TMEM71: variants seen among roughly 807,000 people sequenced by gnomAD.
TMEM71 encodes the protein transmembrane protein 71.
TMEM71 carries 44 observed loss-of-function variants against 38.0 expected under a neutral mutation model. The observed-to-expected ratio is 1.16, with a 90% CI of 0.91 to 1.49. The LOEUF (loss-of-function observed/expected upper bound fraction) is 1.49, where lower values mean the gene tolerates loss of function less well. Among genes scored for constraint, TMEM71 ranks in the 40% most tolerant of loss-of-function variants. TMEM71 has a pLI of 0.00. For synonymous variants in TMEM71, 133 were observed against 122.5 expected (o/e 1.09, Z -0.56); for missense variants, 367 against 348.6 (o/e 1.05, Z -0.42).
intron 1 of TMEM71, 54 bp downstream of exon 1, chr8:132,760,422 T>A (rs1307646613): frequency 6.6e-6 from 1 of 152,178 alleles, no homozygotes; most frequent in African/African-American, 2.4e-5. Context: ...GGCTGAAAAA[T>A]GTCTGAATGT....
At chr8:132,756,226 T>C (rs1402265395) in intron 3 of TMEM71, among the ~76,000 whole-genome samples, 4 of 151,694 alleles carry the variant, frequency 2.6e-5, no homozygotes, top group Non-Finnish European at 5.9e-5. Flanking sequence ...ACTGCACATG[T>C]TTTGGTAGAG....
At position 132,730,723 on chromosome 8, in the gene TMEM71, T is replaced by C. The variant is rs186060847; in HGVS notation, c.488-2737A>G. On this transcript the variant is annotated intron_variant, in intron 5 of 9. Transcript: ENST00000677595. The stretch of plus-strand genomic sequence containing the variant: ...CTTGTCTAAACAGGACAATTACTTC[T>C]ATGGTCCATCTAAGCCTTGATTTCA... Among the ~76,000 whole-genome samples, 56 of 152,344 alleles carry C rather than the reference T, an allele frequency of 3.7e-4. 1 individual carries two copies. Among genetic ancestry groups the C allele is most frequent in the Admixed American group, 2.3e-3 (35 of 15,300 alleles).
At chr8:132,748,839 C>T (rs1435351403) in intron 4 of TMEM71, among the ~76,000 whole-genome samples, 1 of 152,150 alleles carries the variant, frequency 6.6e-6, no homozygotes, top group Non-Finnish European at 1.5e-5. Flanking sequence ...AACTGATTCG[C>T]TAAAGTCAGA....
rs1826370830 is a variant in TMEM71, at chr8:132,713,991, T to C, written c.872+4A>G. 6.2e-7 allele frequency: 1 copy of C among 1,613,572 alleles called. No individual in the cohort carries two copies. Among genetic ancestry groups the C allele is most frequent in the African/African-American group, 1.3e-5 (1 of 75,010 alleles). ...ACAATAATGATGACACAGGCAACAC[T>C]TACCGAGCACAGGCAGTGGTTTTGA... On this transcript the variant is annotated splice_donor_region_variant and intron_variant, in intron 9 of 9. Transcript: ENST00000677595.
intron 5 of TMEM71, among the ~76,000 whole-genome samples, chr8:132,733,046 T>C (rs79435801): frequency 0.018 from 2,812 of 152,330 alleles, 35 homozygotes; most frequent in Middle Eastern, 0.034. Context: ...TTTTCCTGGT[T>C]GTACTTAATC....
intron 1 of TMEM71, 65 bp downstream of exon 1, chr8:132,760,411 C>T (rs573015215): frequency 3.1e-4 from 47 of 152,302 alleles, no homozygotes; most frequent in Admixed American, 7.2e-4. Context: ...AGCAGTTCCT[C>T]GGCTGAAAAA....
chr8:132,755,654 T>A (rs1300520193), intron 3 of TMEM71, among the ~76,000 whole-genome samples: 1 of 152,222 alleles, frequency 6.6e-6, no homozygotes, highest in Non-Finnish European at 1.5e-5. Flanking sequence ...AGGTCTCTCA[T>A]CCTTCTACAC....
intron 5 of TMEM71, among the ~76,000 whole-genome samples, chr8:132,736,916 A>G (rs1283103293): frequency 2.0e-5 from 3 of 152,190 alleles, no homozygotes; most frequent in Non-Finnish European, 4.4e-5. Flanking sequence ...GGTGATGGAT[A>G]TGTTAATTAA....
intron 5 of TMEM71, among the ~76,000 whole-genome samples, chr8:132,741,407 C>T (rs1456223342): frequency 6.6e-6 from 1 of 152,130 alleles, no homozygotes; most frequent in Non-Finnish European, 1.5e-5. Context: ...AAAGAAAAGA[C>T]ACCTGGGCCC....
At chr8:132,713,902 C>A in intron 9 of TMEM71, 93 bp downstream of exon 9, 1 of 1,220,820 alleles carries the variant, frequency 8.2e-7, no homozygotes, top group Non-Finnish European at 1.2e-6. Context: ...TGTTTCCTGT[C>A]ATTGCCATCT....
upstream of TMEM71, among the ~76,000 whole-genome samples, chr8:132,761,377 G>A (rs906044720): frequency 6.6e-6 from 1 of 152,204 alleles, no homozygotes; most frequent in Admixed American, 6.5e-5. Flanking sequence ...ATGGCTTGAA[G>A]AATTAAATGA....
At chr8:132,737,166 G>A (rs1827795241) in intron 5 of TMEM71, among the ~76,000 whole-genome samples, 2 of 152,202 alleles carry the variant, frequency 1.3e-5, no homozygotes, top group Admixed American at 1.3e-4. Context: ...TTCTGGAACA[G>A]GAAAGCAGTC....
At chr8:132,752,911 A>G (rs1586805658) in intron 3 of TMEM71, among the ~76,000 whole-genome samples, 1 of 151,834 alleles carries the variant, frequency 6.6e-6, no homozygotes, top group African/African-American at 2.4e-5. Flanking sequence ...CTATAATTGA[A>G]AGGCAACCAA....
At chr8:132,716,814 A>G (rs1464745313) in intron 7 of TMEM71, among the ~76,000 whole-genome samples, 2 of 152,088 alleles carry the variant, frequency 1.3e-5, no homozygotes, top group Non-Finnish European at 2.9e-5. Flanking sequence ...CCCCATCTCT[A>G]ACTTTATTAC....
intron 5 of TMEM71, among the ~76,000 whole-genome samples, chr8:132,739,803 A>G (rs1255975960): frequency 6.6e-6 from 1 of 152,214 alleles, no homozygotes; most frequent in Non-Finnish European, 1.5e-5. Context: ...TCAGCATGGA[A>G]TAAGCACCCT....
At chr8:132,768,738 T>C in the TMEM71 span, among the ~76,000 whole-genome samples, 1 of 152,238 alleles carries the variant, frequency 6.6e-6, no homozygotes, top group South Asian at 2.1e-4. Flanking sequence ...CCACGAGCTG[T>C]GCAATGCTTG....
rs752637072 is a variant in TMEM71 at position 132,751,780 on chromosome 8, C to T, written c.314+5G>A. On this transcript the variant is annotated splice_donor_5th_base_variant and intron_variant, in intron 4 of 9. Coordinates refer to ENST00000677595, the MANE Select transcript of TMEM71 (RefSeq NM_001382403.1). Reference sequence around the variant, plus strand: ...AGATTTCTTTCTGTAATATGCTCTGCTTACCTAACTAAGTTCTCCTTATAC... The same window carrying T: ...AGATTTCTTTCTGTAATATGCTCTGTTTACCTAACTAAGTTCTCCTTATAC... 2 of 1,612,276 alleles carry T rather than the reference C, an allele frequency of 1.2e-6. No homozygotes were observed. The highest frequency in any genetic ancestry group is 1.1e-5 in the South Asian group (1 of 91,024).
Position 132,742,292 on chromosome 8 carries a change from G to A in TMEM71, c.487+4650C>T, listed in dbSNP as rs141942529. ...TGTGTCCTCGGTCTCTTGCCTCGGC[G>A]CCTGGATGGCTTGCCGCCCACACAG... is the stretch of plus-strand genomic sequence containing the variant. On this transcript the variant is annotated intron_variant, in intron 5 of 9. Transcript: ENST00000677595. Among the ~76,000 whole-genome samples the A allele has an allele frequency of 9.3e-3, 1,417 of 152,126 alleles. 19 individuals are homozygous for A. Among genetic ancestry groups the A allele is most frequent in the African/African-American group, 0.033 (1,361 of 41,484 alleles).
At chr8:132,721,701 C>A (rs1003716505) in intron 7 of TMEM71, among the ~76,000 whole-genome samples, 22 of 152,006 alleles carry the variant, frequency 1.4e-4, no homozygotes, top group Admixed American at 3.3e-4. Context: ...CATGAGCCAC[C>A]ACGCCTGGCT....
Sources: allele counts gnomAD v4.1 joint callset (sites outside exome capture counted in the v4.1 genomes callset), GRCh38; gene constraint gnomAD v4.1.1; transcripts MANE v1.5; gene names NCBI Gene and HGNC (gene_info 2026-07-23, HGNC 2026-07-21).